CEP250: variants seen among roughly 807,000 people sequenced by gnomAD.
The protein encoded by CEP250 is centrosome-associated protein CEP250.
In CEP250, 242 loss-of-function variants were observed where a neutral mutation model predicts 315.7. The observed-to-expected ratio is 0.77, with a 90% CI of 0.69 to 0.85. The LOEUF is 0.85. Ranked by LOEUF, CEP250 falls within the 40% of genes least tolerant of loss-of-function variation. The pLI is 0.00. For synonymous variants in CEP250, 1,088 were observed against 1,175.0 expected (o/e 0.93, Z 1.51); for missense variants, 2,515 against 2,886.4 (o/e 0.87, Z 2.95).
chr20:35,475,412 T>A, intron 14 of CEP250, 90 bp from the exon 15 acceptor site: 2 of 1,328,924 alleles, frequency 1.5e-6, no homozygotes, highest in Non-Finnish European at 2.1e-6. Flanking sequence ...CTCATTCTGT[T>A]GCATAGCAAA....
chr20:35,468,531 G>C (rs891348224), intron 9 of CEP250, among the ~76,000 whole-genome samples: 1 of 152,176 alleles, frequency 6.6e-6, no homozygotes, highest in African/African-American at 2.4e-5. Context: ...TCACCTGTTG[G>C]AGGTACATAC....
At chr20:35,500,491 T>C (rs1261555063) in intron 28 of CEP250, among the ~76,000 whole-genome samples, 4 of 152,122 alleles carry the variant, frequency 2.6e-5, no homozygotes, top group Non-Finnish European at 2.9e-5. Flanking sequence ...AATTATAGGA[T>C]TGGGGGCTAG....
chr20:35,463,476 C>T, intron 4 of CEP250, 99 bp from the exon 5 acceptor site: 3 of 957,192 alleles, frequency 3.1e-6, no homozygotes, highest in Non-Finnish European at 4.5e-6. Flanking sequence ...CCCATTTCCC[C>T]TGTTCATAGC....
At chr20:35,497,647 G>T in intron 25 of CEP250, 72 bp from the exon 26 acceptor site, 1 of 1,062,106 alleles carries the variant, frequency 9.4e-7, no homozygotes, top group Non-Finnish European at 1.4e-6. Flanking sequence ...ATTGAGTGGG[G>T]TCTGGCCTGG....
At chr20:35,489,139 G>A (rs1397658394) in intron 20 of CEP250, among the ~76,000 whole-genome samples, 1 of 150,270 alleles carries the variant, frequency 6.7e-6, no homozygotes, top group African/African-American at 2.5e-5. Context: ...AGTGAGCCGA[G>A]ATCACCCCAC....
chr20:35,469,883 T>C lies in CEP250; in HGVS notation c.852-7T>C. 4 of 1,602,654 alleles carry C rather than the reference T, an allele frequency of 2.5e-6. No individual in the cohort carries two copies. The highest frequency in any genetic ancestry group is 3.4e-6 in the Non-Finnish European group (4 of 1,170,972). ...TTCTGGTGACAGTGCTATGCTCTTC[T>C]CTTTAGGGTGACCGAGCTCTCTGCT... is the stretch of plus-strand genomic sequence containing the variant. On this transcript the variant is annotated splice_polypyrimidine_tract_variant and splice_region_variant and intron_variant, in intron 9 of 34. Transcript: ENST00000397527.
intron 3 of CEP250, among the ~76,000 whole-genome samples, chr20:35,460,641 G>T (rs1319640940): frequency 6.6e-6 from 1 of 152,210 alleles, no homozygotes; most frequent in Non-Finnish European, 1.5e-5. Context: ...TATGGGTCAA[G>T]CATCACTGGG....
Position 35,503,044 on chromosome 20 carries a change from G to T in CEP250, c.4675G>T (p.Ala1559Ser). 6.2e-7 allele frequency: 1 copy of T among 1,614,178 alleles called. No individual in the cohort carries two copies. The highest frequency in any genetic ancestry group is 1.7e-5 in the Admixed American group (1 of 60,026). The change falls in exon 30 of 35, where the codon GCC becomes TCC. Residue 1559 changes from alanine to serine, a missense_variant. Ala to Ser is a moderately conservative substitution (Grantham distance 99). Coordinates refer to ENST00000397527, the MANE Select transcript of CEP250 (RefSeq NM_007186.6). This position sits in a 1 kb window ranked among gnomAD's most constrained non-coding sequence, Gnocchi z 4.2. Reference protein sequence around the residue: ...KKQLVTLECLALELEENHHKM... With the variant: ...KKQLVTLECLSLELEENHHKM... ...GCAGTTGGTTACTCTGGAATGCCTG[G>T]CCCTGGAACTGGAGGAAAACCATCA...
chr20:35,496,703 GC>G lies in CEP250; in HGVS notation c.3295del (p.Leu1099SerfsTer8). 6.2e-7 allele frequency: 1 copy of G among 1,613,686 alleles called. No homozygotes were observed. The highest frequency in any genetic ancestry group is 2.2e-5 in the East Asian group (1 of 44,878). On this transcript the variant is annotated frameshift_variant, in exon 25 of 35. Coordinates refer to ENST00000397527, the MANE Select transcript of CEP250 (RefSeq NM_007186.6). LOFTEE classifies it high-confidence loss of function. The part of the protein sequence containing the change: ...MQEAQGEQKE[L>X]SAQMELLRQE... Reference sequence around the variant, plus strand: ...AGGAGGCCCAGGGAGAACAGAAAGAGCTCAGTGCTCAGGTACTTCCCACTCT... The same window carrying G: ...AGGAGGCCCAGGGAGAACAGAAAGAGTCAGTGCTCAGGTACTTCCCACTCT...
chr20:35,461,405 C>G (rs2062752652), intron 3 of CEP250, among the ~76,000 whole-genome samples: 1 of 152,238 alleles, frequency 6.6e-6, no homozygotes, highest in African/African-American at 2.4e-5. Context: ...CTCTTTACCA[C>G]CATGCCTTCC....
chr20:35,498,511 G>A (rs901712960), intron 26 of CEP250, 84 bp from the exon 27 acceptor site: 21 of 1,531,116 alleles, frequency 1.4e-5, no homozygotes, highest in Non-Finnish European at 1.8e-5. Context: ...GGACCAGTTG[G>A]AAGGACAGGG....
In CEP250 at chr20:35,462,565, G is replaced by C. The variant is rs1160568503; in HGVS notation, c.186+12G>C. On this transcript the variant is annotated intron_variant, in intron 4 of 34. Coordinates refer to ENST00000397527, the MANE Select transcript of CEP250 (RefSeq NM_007186.6). The stretch of plus-strand genomic sequence containing the variant: ...AGCTGCAGGCCAAGGTGAGGCAGCT[G>C]CCCTTTTGGGGAGGGGAAAGAGAAC... 6.3e-7 allele frequency: 1 copy of C among 1,582,580 alleles called. No individual in the cohort carries two copies. The highest frequency in any genetic ancestry group is 8.6e-7 in the Non-Finnish European group (1 of 1,164,030).
Position 35,490,776 on chromosome 20 carries a change from G to A in CEP250, c.2726G>A (p.Arg909Gln), listed in dbSNP as rs775429730. Residue 909 changes from arginine (R) to glutamine (Q), a missense_variant, in exon 21 of 35, where the codon CGG becomes CAG. Arg to Gln is a conservative substitution (Grantham distance 43, BLOSUM62 1). Coordinates refer to ENST00000397527, the MANE Select transcript of CEP250 (RefSeq NM_007186.6). ...EAIQAQREEE[R>Q]TQAESALCQM... ...ATCCAGGCCCAGAGGGAAGAAGAAC[G>A]GACCCAGGCAGAGAGTGCCCTATGC... 26 of 1,613,390 alleles carry A rather than the reference G, an allele frequency of 1.6e-5. No homozygotes were observed. The East Asian group carries it at 2.2e-4, about 14-fold the overall frequency.
At chr20:35,474,086 T>G in intron 14 of CEP250, 34 bp downstream of exon 14, 1 of 1,469,866 alleles carries the variant, frequency 6.8e-7, no homozygotes, top group Non-Finnish European at 9.0e-7. Flanking sequence ...CGCTGGGCCC[T>G]GGTCTTTCTT....
chr20:35,504,313 C>T lies in CEP250; in HGVS notation c.5944C>T (p.Gln1982Ter). The T allele has an allele frequency of 6.3e-7, 1 of 1,589,572 alleles. No individual in the cohort carries two copies. Among genetic ancestry groups the T allele is most frequent in the South Asian group, 1.1e-5 (1 of 87,950 alleles). Residue 1982 changes from glutamine (Q) to a stop codon, truncating the protein, a stop_gained, in exon 30 of 35, where the codon CAG (glutamine) becomes TAG (stop). Coordinates refer to ENST00000397527, the MANE Select transcript of CEP250 (RefSeq NM_007186.6). LOFTEE classifies it high-confidence loss of function. Reference sequence around the variant, plus strand: ...TCATGCTGCCCTGCAGGGGAAAGAGCAGCATCTCCTCGAGCAGGCAGAATT... The same window carrying T: ...TCATGCTGCCCTGCAGGGGAAAGAGTAGCATCTCCTCGAGCAGGCAGAATT... Reference protein sequence around the residue: ...KAHAALQGKEQHLLEQAELSR... With the variant: ...KAHAALQGKE
chr20:35,483,277 G>A (rs2063405324), intron 20 of CEP250, among the ~76,000 whole-genome samples: 3 of 150,400 alleles, frequency 2.0e-5, no homozygotes, highest in South Asian at 2.1e-4. Flanking sequence ...CTGAGATCGC[G>A]CCATTACACT....
At chr20:35,489,894 C>T (rs557684064) in intron 20 of CEP250, among the ~76,000 whole-genome samples, 6 of 152,216 alleles carry the variant, frequency 3.9e-5, no homozygotes, top group Admixed American at 2.6e-4. Flanking sequence ...ATAACAAATA[C>T]GGAGCTGTGT....
intron 34 of CEP250, among the ~76,000 whole-genome samples, chr20:35,511,121 T>C (rs1410372396): frequency 1.3e-5 from 2 of 152,336 alleles, no homozygotes; most frequent in East Asian, 3.9e-4. Flanking sequence ...TGAATAGCTT[T>C]GTGGTTTTCA....
At chr20:35,497,613 G>T in intron 25 of CEP250, 106 bp from the exon 26 acceptor site, 1 of 788,044 alleles carries the variant, frequency 1.3e-6, no homozygotes, top group Non-Finnish European at 2.0e-6. Context: ...AATCCTCCCA[G>T]CCCTGATCAG....
Sources: gnomAD v4.1 joint callset for allele counts (sites outside exome capture counted in the v4.1 genomes callset) on GRCh38, gnomAD v4.1.1 for gene constraint, Gnocchi (gnomAD v3.1) non-coding constraint, MANE v1.5 for transcripts, NCBI Gene and HGNC (gene_info 2026-07-23, HGNC 2026-07-21) for gene names.